The following TPRG1 variants were observed in gnomAD, a reference collection of about 807,000 sequenced individuals.
TPRG1 encodes the protein tumor protein p63-regulated gene 1 protein.
Under a neutral mutation model 29.3 loss-of-function variants are expected in TPRG1, and 29 were observed. That is an observed-to-expected ratio of 0.99 (90% confidence interval 0.74 to 1.35). The LOEUF (loss-of-function observed/expected upper bound fraction) is 1.35. Among genes scored for constraint, TPRG1 ranks in the 40% most tolerant of loss-of-function variants. TPRG1 has a pLI of 0.00. For synonymous variants in TPRG1, 130 were observed against 116.8 expected (o/e 1.11, Z -0.73); for missense variants, 327 against 335.0 (o/e 0.98, Z 0.19).
intron 4 of TPRG1, among the ~76,000 whole-genome samples, chr3:189,270,200 A>G (rs1042285971): frequency 2.6e-5 from 4 of 152,152 alleles, no homozygotes; most frequent in Non-Finnish European, 5.9e-5. Context: ...AGAGAAAAAA[A>G]AAAAAGGTCC....
At chr3:189,224,060 C>T (rs2108874962) in intron 3 of TPRG1, among the ~76,000 whole-genome samples, 1 of 152,250 alleles carries the variant, frequency 6.6e-6, no homozygotes, top group East Asian at 1.9e-4. Context: ...GAGTATGATA[C>T]ATACTGATAT....
At chr3:189,133,273 G>C (rs974651902) in intron 3 of TPRG1, among the ~76,000 whole-genome samples, 2 of 152,204 alleles carry the variant, frequency 1.3e-5, no homozygotes, top group African/African-American at 2.4e-5. Flanking sequence ...GAGACAGGGA[G>C]AGAAGAAGTA....
intron 3 of TPRG1, among the ~76,000 whole-genome samples, chr3:189,135,266 A>G (rs1441392581): frequency 6.6e-6 from 1 of 152,172 alleles, no homozygotes; most frequent in African/African-American, 2.4e-5. Flanking sequence ...CTTCTATTGC[A>G]GTTCTAATGG....
chr3:189,288,791 A>G (rs1038458463), intron 4 of TPRG1, among the ~76,000 whole-genome samples: 2 of 152,264 alleles, frequency 1.3e-5, no homozygotes, highest in South Asian at 4.1e-4. Flanking sequence ...GCAAGGAAGA[A>G]AGAAATTACT....
chr3:189,143,822 C>G (rs1724895084), intron 3 of TPRG1, among the ~76,000 whole-genome samples: 1 of 152,088 alleles, frequency 6.6e-6, no homozygotes, highest in Non-Finnish European at 1.5e-5. Context: ...AAAATGGGAC[C>G]CTGTTAAGAT....
At chr3:189,057,783 T>C (rs997740933) in intron 4 of TPRG1, among the ~76,000 whole-genome samples, 3 of 147,324 alleles carry the variant, frequency 2.0e-5, no homozygotes, top group African/African-American at 7.4e-5. Flanking sequence ...TATACATATA[T>C]GTATATTTAT....
intron 1 of TPRG1, among the ~76,000 whole-genome samples, chr3:189,119,266 A>G (rs1560461777): frequency 6.6e-6 from 1 of 152,228 alleles, no homozygotes; most frequent in East Asian, 1.9e-4. Context: ...TCTCCCATGT[A>G]GAATGGGTGT....
chr3:189,146,211 T>C (rs1725242770), intron 3 of TPRG1, among the ~76,000 whole-genome samples: 1 of 152,168 alleles, frequency 6.6e-6, no homozygotes, highest in Non-Finnish European at 1.5e-5. Context: ...TAAAGCTTTG[T>C]TTATGCATTG....
At chr3:189,055,419 A>G (rs764395412) in intron 4 of TPRG1, among the ~76,000 whole-genome samples, 1 of 152,170 alleles carries the variant, frequency 6.6e-6, no homozygotes, top group Non-Finnish European at 1.5e-5. Context: ...TACGCTATCA[A>G]CCAGAGGTCC....
At chr3:189,158,015 A>G (rs1421133333) in intron 5 of TPRG1, among the ~76,000 whole-genome samples, 2 of 152,214 alleles carry the variant, frequency 1.3e-5, no homozygotes, top group African/African-American at 2.4e-5. Context: ...GGGACTTTAT[A>G]TATGTCGCAT....
intron 1 of TPRG1, among the ~76,000 whole-genome samples, chr3:189,192,380 C>G (rs1731829343): frequency 6.6e-6 from 1 of 152,170 alleles, no homozygotes; most frequent in Non-Finnish European, 1.5e-5. Context: ...TCTATGTGCT[C>G]TACTTGGTGC....
chr3:189,009,777 T>A (rs1315191467), intron 3 of TPRG1, among the ~76,000 whole-genome samples: 1 of 151,964 alleles, frequency 6.6e-6, no homozygotes, highest in Non-Finnish European at 1.5e-5. Context: ...GCAATAATTC[T>A]CTCTCTTTTT....
At chr3:189,078,142 C>CTT (rs1340953933) in intron 4 of TPRG1, among the ~76,000 whole-genome samples, 1 of 49,434 alleles carries the variant, frequency 2.0e-5, no homozygotes, top group African/African-American at 6.4e-5. Flanking sequence ...TCTTTCCTTT[C>CTT]TTTTTTTTTT....
At chr3:189,308,187 A>C (rs997031765) in intron 4 of TPRG1, among the ~76,000 whole-genome samples, 2 of 139,122 alleles carry the variant, frequency 1.4e-5, no homozygotes, top group East Asian at 3.9e-4. Context: ...ATTCAGAAAG[A>C]GAAATGATTC....
chr3:189,302,115 G>C (rs1472651107), intron 4 of TPRG1, among the ~76,000 whole-genome samples: 1 of 152,082 alleles, frequency 6.6e-6, no homozygotes, highest in African/African-American at 2.4e-5. Context: ...AGTACTTAAT[G>C]CTATTTTCTC....
At chr3:189,022,607 GTGCTGGGAGAACTAC>G (rs1713393746) in intron 3 of TPRG1, among the ~76,000 whole-genome samples, 1 of 152,118 alleles carries the variant, frequency 6.6e-6, no homozygotes, top group South Asian at 2.1e-4. Context: ...CTCCAGCTGC[GTGCTGGGAGAACTAC>G]TGCTCTCTTC....
intron 1 of TPRG1, among the ~76,000 whole-genome samples, chr3:188,998,405 G>T (rs1394251091): frequency 1.3e-5 from 2 of 152,206 alleles, no homozygotes; most frequent in Non-Finnish European, 2.9e-5. Context: ...CACAAGGCCA[G>T]TATGGCTGGA....
chr3:189,257,597 T>C (rs1712138829), intron 4 of TPRG1, among the ~76,000 whole-genome samples: 1 of 152,242 alleles, frequency 6.6e-6, no homozygotes, highest in African/African-American at 2.4e-5. Flanking sequence ...TCCTGAAGTA[T>C]GTTTTTCAAC....
intron 1 of TPRG1, among the ~76,000 whole-genome samples, chr3:189,123,407 A>G (rs1395374609): frequency 6.6e-6 from 1 of 152,240 alleles, no homozygotes; most frequent in African/African-American, 2.4e-5. Flanking sequence ...TGTGAAATGT[A>G]GAAAAGTTCT....
Sources: allele counts gnomAD v4.1 joint callset (sites outside exome capture counted in the v4.1 genomes callset), GRCh38; gene constraint gnomAD v4.1.1; transcripts MANE v1.5; gene names NCBI Gene and HGNC (gene_info 2026-07-23, HGNC 2026-07-21).